The following USP6 variants were observed in gnomAD, a reference collection of about 807,000 sequenced individuals.
USP6 encodes the protein ubiquitin carboxyl-terminal hydrolase 6.
A neutral mutation model predicts 175.7 loss-of-function variants in USP6; 128 were observed. That is an observed-to-expected ratio of 0.73 (90% CI 0.63 to 0.84). The LOEUF (loss-of-function observed/expected upper bound fraction) is 0.84, where lower values mean the gene tolerates loss of function less well. Ranked by LOEUF, USP6 falls within the 40% of genes least tolerant of loss-of-function variation. The probability of loss-of-function intolerance (pLI) is 0.00; values close to 1 mark genes in which losing one functional copy is unlikely to be tolerated. For synonymous variants in USP6, 562 were observed against 630.6 expected (o/e 0.89, Z 1.63); for missense variants, 1,498 against 1,760.3 (o/e 0.85, Z 2.67).
chr17:5,123,524 A>G (rs2072777636), intron 4 of USP6, among the ~76,000 whole-genome samples: 2 of 152,134 alleles, frequency 1.3e-5, no homozygotes, highest in Non-Finnish European at 2.9e-5. Context: ...CTGCCCAGGC[A>G]GTGCAGAGCG....
intron 31 of USP6, among the ~76,000 whole-genome samples, chr17:5,158,873 A>T (rs928600133): frequency 6.6e-6 from 1 of 152,192 alleles, no homozygotes; most frequent in African/African-American, 2.4e-5. Context: ...GGTTAAAGAC[A>T]GAACGGTCCT....
Position 5,118,208 on chromosome 17 carries a change from T to C in USP6, c.-1919T>C, listed in dbSNP as rs1218594956. Reference sequence around the variant, plus strand: ...ATTTCCTATTGATACAGGATTTTTTTCCTTGATTCCTTCGTGGGACTCAAG... The same window carrying C: ...ATTTCCTATTGATACAGGATTTTTTCCCTTGATTCCTTCGTGGGACTCAAG... On this transcript the variant is annotated 5_prime_UTR_variant, in exon 2 of 38. Transcript: ENST00000574788. 2.0e-5 allele frequency: 3 copies of C among 152,474 alleles called. No homozygotes were observed. The highest frequency in any genetic ancestry group is 7.2e-5 in the African/African-American group (3 of 41,458). 9.4% of individuals were successfully genotyped at this position (152,474 alleles called of 1,614,324 possible). A position where few individuals can be genotyped will look rare whatever the true frequency, so the allele number is the denominator to read the frequency against.
In USP6 at chr17:5,139,620, A is replaced by G. The variant is rs1354061954; in HGVS notation, c.1444A>G (p.Ile482Val). The G allele has an allele frequency of 2.5e-6, 4 of 1,613,176 alleles. No individual in the cohort carries two copies. The highest frequency in any genetic ancestry group is 3.4e-6 in the Non-Finnish European group (4 of 1,179,992). The part of the protein sequence containing the change: ...DFEWSCWVRA[I>V]SQEDQLATCW... ...TGAATGGAGCTGCTGGGTCCGTGCCATATCCCAGGAGGACCAGCTGGCCAC... is the reference window on the plus strand; with the variant it reads ...TGAATGGAGCTGCTGGGTCCGTGCCGTATCCCAGGAGGACCAGCTGGCCAC... Residue 482 changes from isoleucine (I) to valine (V), a missense_variant, in exon 22 of 38, where the codon ATA (isoleucine) becomes GTA (valine). This residue lies in a region of USP6 where 1,217 missense variants were observed against 1,500.8 expected (regional missense o/e 0.81). Transcript: ENST00000574788.
chr17:5,166,399 A>G (rs1224650927), intron 33 of USP6, among the ~76,000 whole-genome samples: 1 of 152,190 alleles, frequency 6.6e-6, no homozygotes, highest in Non-Finnish European at 1.5e-5. Context: ...ATGTAGGGAA[A>G]AAGTCTCGCC....
intron 1 of USP6, among the ~76,000 whole-genome samples, chr17:5,117,232 A>G (rs946730316): frequency 3.9e-5 from 6 of 152,190 alleles, no homozygotes; most frequent in Non-Finnish European, 7.3e-5. Flanking sequence ...TAAAAGCTCG[A>G]TAAGCCTGGG....
At position 5,170,584 on chromosome 17, in the gene USP6, G is replaced by C; in HGVS notation, c.3623G>C (p.Arg1208Pro). 6.2e-7 allele frequency: 1 copy of C among 1,612,428 alleles called. No individual in the cohort carries two copies. The highest frequency in any genetic ancestry group is 8.5e-7 in the Non-Finnish European group (1 of 1,179,834). Residue 1208 changes from arginine (R) to proline (P), a missense_variant, in exon 36 of 38, where the codon CGG becomes CCG. Physicochemically the swap from Arg to Pro is moderately radical, Grantham distance 103. Coordinates refer to ENST00000574788, the MANE Select transcript of USP6 (RefSeq NM_001304284.2). ...TTGGGGAGGAGCAAAGGGAGGCTCC[G>C]GCTGCCCCAGATTGGCAGCAAAAAT... ...RTLGRSKGRLRLPQIGSKNKP... is the reference protein window; with the variant it reads ...RTLGRSKGRLPLPQIGSKNKP...
intron 32 of USP6, among the ~76,000 whole-genome samples, 178 bp downstream of exon 32, chr17:5,161,792 G>T (rs1316639185): frequency 6.6e-6 from 1 of 152,190 alleles, no homozygotes; most frequent in Non-Finnish European, 1.5e-5. Flanking sequence ...GAGGCGGGTG[G>T]ATCACCTGAG....
rs758450968 is a variant in USP6, at chr17:5,133,848, G to T, written c.385-39G>T. The T allele has an allele frequency of 4.9e-4, 790 of 1,597,954 alleles. 6 individuals are homozygous for T. Among genetic ancestry groups the T allele is most frequent in the Middle Eastern group, 1.7e-4 (1 of 6,044 alleles). Reference sequence around the variant, plus strand: ...ATTTGGGGCAGGGAGTCTTCCATCTGTTCTGAGGCTGCTTCCTCCTCTTGG... The same window carrying T: ...ATTTGGGGCAGGGAGTCTTCCATCTTTTCTGAGGCTGCTTCCTCCTCTTGG... On this transcript the variant is annotated intron_variant, in intron 14 of 37. Coordinates refer to ENST00000574788, the MANE Select transcript of USP6 (RefSeq NM_001304284.2).
chr17:5,168,642 TAATG>T (rs1390839824), intron 34 of USP6, 121 bp from the exon 35 acceptor site: 2 of 1,362,024 alleles, frequency 1.5e-6, no homozygotes, highest in East Asian at 2.4e-5. Context: ...CTTTAAAAAA[TAATG>T]AAGAGTAAAT....
rs375233155 is a variant in USP6 at position 5,146,192 on chromosome 17, A to G, written c.2319+18A>G. On this transcript the variant is annotated intron_variant, in intron 28 of 37. Coordinates refer to ENST00000574788, the MANE Select transcript of USP6 (RefSeq NM_001304284.2). ...ACATAAAGGTAATGTTAACTACTCT[A>G]AGAAACTTTTGATTCTATCCTTCAA... 1.9e-6 allele frequency: 3 copies of G among 1,588,340 alleles called. No homozygotes were observed. Among genetic ancestry groups the G allele is most frequent in the Non-Finnish European group, 8.6e-7 (1 of 1,165,560 alleles).
intron 30 of USP6, among the ~76,000 whole-genome samples, chr17:5,151,860 A>G (rs1234220048): frequency 1.3e-5 from 2 of 152,198 alleles, no homozygotes; most frequent in Admixed American, 6.5e-5. Context: ...AAGCAAAACA[A>G]TGAAACAGCC....
At chr17:5,169,296 G>C (rs2074162888) in intron 35 of USP6, among the ~76,000 whole-genome samples, 1 of 152,194 alleles carries the variant, frequency 6.6e-6, no homozygotes, top group African/African-American at 2.4e-5. Flanking sequence ...GACACATGGA[G>C]AGTAAAGCAC....
intron 33 of USP6, among the ~76,000 whole-genome samples, chr17:5,164,555 T>A (rs2074063290): frequency 6.6e-6 from 1 of 152,228 alleles, no homozygotes; most frequent in Non-Finnish European, 1.5e-5. Flanking sequence ...TTTTAACAAA[T>A]CCAGTGTGCA....
At chr17:5,140,506 C>A (rs1420653807) in intron 22 of USP6, among the ~76,000 whole-genome samples, 1 of 151,986 alleles carries the variant, frequency 6.6e-6, no homozygotes, top group Non-Finnish European at 1.5e-5. Context: ...CCATGAGTTC[C>A]AAGAAGCAGT....
intron 31 of USP6, among the ~76,000 whole-genome samples, chr17:5,156,087 A>G (rs1025126354): frequency 5.9e-5 from 9 of 152,244 alleles, no homozygotes; most frequent in African/African-American, 1.9e-4. Context: ...GATTATTTCC[A>G]TACCATGTCA....
rs377762174 is a variant in USP6, at chr17:5,148,743, C to T, written c.2619C>T (p.Tyr873=). 10 of 1,613,146 alleles carry T rather than the reference C, an allele frequency of 6.2e-6. No individual in the cohort carries two copies. Among genetic ancestry groups the T allele is most frequent in the Non-Finnish European group, 7.6e-6 (9 of 1,179,252 alleles). Reference sequence around the variant, plus strand: ...TTCCTGACAGCCCCTTTACAGGTTACATCATTGCAGTCCACCGAAAAATGG... The same window carrying T: ...TTCCTGACAGCCCCTTTACAGGTTATATCATTGCAGTCCACCGAAAAATGG... ...PSLPDSPFTG[Y]IIAVHRKMMR... Residue 873 remains tyrosine, a synonymous_variant, in exon 30 of 38, where the codon TAC becomes TAT. Transcript: ENST00000574788.
chr17:5,147,033 CT>C, intron 28 of USP6, 49 bp from the exon 29 acceptor site: 1 of 1,539,366 alleles, frequency 6.5e-7, no homozygotes, highest in South Asian at 1.2e-5. Flanking sequence ...AGAACTTTTC[CT>C]TTTTATCTGA....
intron 11 of USP6, 75 bp downstream of exon 11, chr17:5,130,759 G>C: frequency 1.9e-6 from 3 of 1,566,658 alleles, no homozygotes; most frequent in Non-Finnish European, 2.6e-6. Context: ...TTTTAGAAAG[G>C]CCTTTCTGAT....
intron 14 of USP6, 26 bp from the exon 15 acceptor site, chr17:5,133,861 T>C (rs756067162): frequency 6.2e-7 from 1 of 1,609,160 alleles, no homozygotes; most frequent in East Asian, 2.2e-5. Flanking sequence ...CTGAGGCTGC[T>C]TCCTCCTCTT....
Sources: gnomAD v4.1 joint callset for allele counts (sites outside exome capture counted in the v4.1 genomes callset) on GRCh38, gnomAD v4.1.1 for gene constraint, gnomAD v4.1.1 regional missense constraint, MANE v1.5 for transcripts, NCBI Gene and HGNC (gene_info 2026-07-23, HGNC 2026-07-21) for gene names.